The following GALNT10 variants were observed in gnomAD, a reference collection of about 807,000 sequenced individuals.
The protein encoded by GALNT10 is GalNAc transferase 10.
In GALNT10, 41 loss-of-function variants were observed where a neutral mutation model predicts 75.0. That is an observed-to-expected ratio of 0.55 (90% confidence interval 0.43 to 0.71). GALNT10 has a LOEUF of 0.71. Ranked by LOEUF, GALNT10 falls within the 30% of genes least tolerant of loss-of-function variation. The pLI is 0.00. For missense variants in GALNT10, 727 were observed against 818.5 expected, an observed-to-expected ratio of 0.89 and a Z score of 1.36; for synonymous variants, 302 against 313.0, an observed-to-expected ratio of 0.96 and a Z score of 0.37.
chr5:154,382,137 T>G (rs1277152015), intron 6 of GALNT10, among the ~76,000 whole-genome samples: 1 of 152,228 alleles, frequency 6.6e-6, no homozygotes, highest in Non-Finnish European at 1.5e-5. Flanking sequence ...GCCATCTTCA[T>G]GGGCATGGTG....
At chr5:154,329,329 A>T (rs1164677057) in intron 3 of GALNT10, 4 of 483,250 alleles carry the variant, frequency 8.3e-6, no homozygotes, top group Non-Finnish European at 3.7e-6. Context: ...TGAAATCACA[A>T]CTATTCAAAC....
At chr5:154,339,972 A>G (rs1487152439) in intron 4 of GALNT10, among the ~76,000 whole-genome samples, 2 of 152,194 alleles carry the variant, frequency 1.3e-5, no homozygotes, top group Non-Finnish European at 2.9e-5. Context: ...CTGAGGCCGG[A>G]TGTAAATTCT....
intron 1 of GALNT10, among the ~76,000 whole-genome samples, chr5:154,275,973 A>C (rs1291236867): frequency 2.0e-5 from 3 of 152,240 alleles, no homozygotes; most frequent in African/African-American, 7.2e-5. Flanking sequence ...AGAAGATTTC[A>C]TTGCAGCTAG....
chr5:154,294,915 G>T lies in GALNT10; in HGVS notation c.259G>T (p.Val87Leu). 6.6e-7 allele frequency: 1 copy of T among 1,513,440 alleles called. No homozygotes were observed. Among genetic ancestry groups the T allele is most frequent in the East Asian group, 2.2e-5 (1 of 44,454 alleles). The allele number at this position is 1,513,440 out of a possible 1,614,324, so 93.8% of individuals were successfully genotyped here. A position where few individuals can be genotyped will look rare whatever the true frequency, so the allele number is the denominator to read the frequency against. The change falls in exon 2 of 12, where the codon GTA becomes TTA. Residue 87 changes from valine to leucine, a missense_variant. Coordinates refer to ENST00000297107, the MANE Select transcript of GALNT10 (RefSeq NM_198321.4). ...GGCCATCCGGAGGGACGCTCAGCGCGTAGGTACGGAGGGCAGGATTGGCCA... is the reference window on the plus strand; with the variant it reads ...GGCCATCCGGAGGGACGCTCAGCGCTTAGGTACGGAGGGCAGGATTGGCCA... ...KEAIRRDAQR[V>L]GNGEQGRPYP...
chr5:154,399,866 G>T (rs1420021245), intron 7 of GALNT10, among the ~76,000 whole-genome samples: 2 of 152,172 alleles, frequency 1.3e-5, no homozygotes, highest in African/African-American at 2.4e-5. Flanking sequence ...AGAAAGGCTG[G>T]GTGCAATGGC....
intron 1 of GALNT10, chr5:154,219,786 C>T (rs769132753): frequency 7.9e-5 from 12 of 151,444 alleles, no homozygotes; most frequent in Admixed American, 2.7e-4. Context: ...TAAGTGAATT[C>T]TGTAAGATCT....
chr5:154,249,004 A>T (rs1310978342), intron 1 of GALNT10, among the ~76,000 whole-genome samples: 1 of 152,258 alleles, frequency 6.6e-6, no homozygotes, highest in Non-Finnish European at 1.5e-5. Context: ...AAGAGCTCTC[A>T]GTAGCTTTGC....
intron 1 of GALNT10, among the ~76,000 whole-genome samples, chr5:154,231,512 G>C (rs1426844432): frequency 6.6e-6 from 1 of 152,188 alleles, no homozygotes; most frequent in African/African-American, 2.4e-5. Context: ...CTTATTAGCT[G>C]TGAAGTTGGG....
At chr5:154,300,416 G>A (rs186857257) in intron 3 of GALNT10, among the ~76,000 whole-genome samples, 52 of 152,248 alleles carry the variant, frequency 3.4e-4, no homozygotes, top group African/African-American at 1.1e-3. Flanking sequence ...AAACTACAAA[G>A]GCCAGGACCC....
chr5:154,231,428 A>G (rs1028847500), intron 1 of GALNT10, among the ~76,000 whole-genome samples: 1 of 152,220 alleles, frequency 6.6e-6, no homozygotes, highest in African/African-American at 2.4e-5. Context: ...GCCAGGTTAG[A>G]TGACTTCGAA....
chr5:154,339,176 C>T lies in GALNT10; in HGVS notation c.568+9438C>T, dbSNP rs544443047. Reference sequence around the variant, plus strand: ...GCTTACCTACCCTCATAATCATCTCCTCCTCATTGGGAATCACATTGACAG... The same window carrying T: ...GCTTACCTACCCTCATAATCATCTCTTCCTCATTGGGAATCACATTGACAG... On this transcript the variant is annotated intron_variant, in intron 4 of 11. Coordinates refer to ENST00000297107, the MANE Select transcript of GALNT10 (RefSeq NM_198321.4). 7.9e-4 allele frequency among the ~76,000 whole-genome samples: 121 copies of T among 152,292 alleles called. 2 individuals are homozygous for T. In the South Asian group the frequency reaches 0.024, roughly 31 times the overall value.
At chr5:154,346,402 G>C (rs1019709536) in intron 4 of GALNT10, among the ~76,000 whole-genome samples, 1 of 152,144 alleles carries the variant, frequency 6.6e-6, no homozygotes, top group African/African-American at 2.4e-5. Flanking sequence ...TGGCTGTATG[G>C]AAAATATGAG....
In GALNT10 at chr5:154,336,842, T is replaced by C. The variant is rs1453393488; in HGVS notation, c.568+7104T>C. On this transcript the variant is annotated intron_variant, in intron 4 of 11. Coordinates refer to ENST00000297107, the MANE Select transcript of GALNT10 (RefSeq NM_198321.4). ...GTGCTAAGTGCATTCACTCTTTTATTATCACAGCACTATGGTAGGTTCTGT... is the reference window on the plus strand; with the variant it reads ...GTGCTAAGTGCATTCACTCTTTTATCATCACAGCACTATGGTAGGTTCTGT... 8.8e-4 allele frequency among the ~76,000 whole-genome samples: 134 copies of C among 152,212 alleles called. 2 individuals are homozygous for C. The highest frequency in any genetic ancestry group is 8.6e-3 in the Admixed American group (132 of 15,282).
intron 4 of GALNT10, among the ~76,000 whole-genome samples, chr5:154,335,924 G>A (rs1437505034): frequency 6.6e-6 from 1 of 152,136 alleles, no homozygotes; most frequent in Non-Finnish European, 1.5e-5. Flanking sequence ...TCTACCATAT[G>A]ACGTATAGCA....
intron 1 of GALNT10, among the ~76,000 whole-genome samples, chr5:154,251,739 C>T (rs971880207): frequency 3.3e-5 from 5 of 152,138 alleles, no homozygotes; most frequent in Admixed American, 2.6e-4. Context: ...GGCACATTCC[C>T]TACACCAGAC....
In GALNT10 at chr5:154,210,078, T is replaced by G. The variant is rs543986206; in HGVS notation, c.159+19053T>G. Among the ~76,000 whole-genome samples the G allele has an allele frequency of 8.5e-4, 129 of 152,324 alleles. 1 individual carries two copies. Among genetic ancestry groups the G allele is most frequent in the South Asian group, 5.2e-3 (25 of 4,824 alleles). On this transcript the variant is annotated intron_variant, in intron 1 of 11. Transcript: ENST00000297107. ...AAGGGATGGTTGACCTGCATCATTT[T>G]CATTTCCTCTCTCCATGCAGCAGTC...
chr5:154,322,164 G>T (rs1200174239), intron 3 of GALNT10, among the ~76,000 whole-genome samples: 4 of 152,128 alleles, frequency 2.6e-5, no homozygotes, highest in East Asian at 1.9e-4. Context: ...TAAAATCAAG[G>T]TGTCAGTGGC....
intron 1 of GALNT10, among the ~76,000 whole-genome samples, chr5:154,249,455 G>A (rs1753481054): frequency 6.6e-6 from 1 of 152,088 alleles, no homozygotes; most frequent in African/African-American, 2.4e-5. Context: ...AGCAAAATGG[G>A]TGGCACTTTG....
chr5:154,217,967 G>A, intron 1 of GALNT10: 2 of 973,774 alleles, frequency 2.1e-6, no homozygotes, highest in Non-Finnish European at 2.4e-6. Flanking sequence ...AAAAATGTTG[G>A]GGTAGGGATA....
Sources: allele counts gnomAD v4.1 joint callset (sites outside exome capture counted in the v4.1 genomes callset), GRCh38; gene constraint gnomAD v4.1.1; transcripts MANE v1.5; gene names NCBI Gene and HGNC (gene_info 2026-07-23, HGNC 2026-07-21).